Variants in ST3GAL1 observed in about 807,000 individuals in gnomAD.
ST3GAL1 encodes the protein CMP-N-acetylneuraminate-beta-galactosamide-alpha-2,3-sialyltransferase 1.
Under a neutral mutation model 34.1 loss-of-function variants are expected in ST3GAL1, and 16 were observed. That is an observed-to-expected ratio of 0.47 (90% confidence interval 0.32 to 0.71). The LOEUF is 0.71. Among genes scored for constraint, ST3GAL1 ranks in the 30% least tolerant of loss-of-function variants. The pLI is 0.04. For synonymous variants in ST3GAL1, 191 were observed against 184.7 expected (o/e 1.03, Z -0.28); for missense variants, 353 against 447.4 (o/e 0.79, Z 1.90).
chr8:133,461,283 C>A lies in ST3GAL1; in HGVS notation c.849+592G>T, dbSNP rs1333851712. Among the ~76,000 whole-genome samples, 1 of 152,198 alleles carries A rather than the reference C, an allele frequency of 6.6e-6. No individual in the cohort carries two copies. Among genetic ancestry groups the A allele is most frequent in the East Asian group, 1.9e-4 (1 of 5,198 alleles). ...CCCAACATCAGGGAGGAAGTGGGGG[C>A]TGTGTGGCCTGCCCTCCTGCCCCTC... On this transcript the variant is annotated intron_variant, in intron 9 of 9. Transcript: ENST00000522652. This position sits in a 1 kb window ranked among gnomAD's most constrained non-coding sequence, Gnocchi z 4.7.
At chr8:133,513,082 G>T (rs1817539377) in intron 2 of ST3GAL1, among the ~76,000 whole-genome samples, 1 of 152,124 alleles carries the variant, frequency 6.6e-6, no homozygotes, top group African/African-American at 2.4e-5. Context: ...AAGACACAAT[G>T]GGCCCAGTGT....
chr8:133,549,410 A>AG (rs1187392202), intron 1 of ST3GAL1, among the ~76,000 whole-genome samples: 1 of 152,104 alleles, frequency 6.6e-6, no homozygotes, highest in African/African-American at 2.4e-5. Context: ...CTCCAAAAAA[A>AG]AAAAAAGATA....
At chr8:133,557,718 C>T (rs1259495891) in intron 1 of ST3GAL1, among the ~76,000 whole-genome samples, 3 of 152,010 alleles carry the variant, frequency 2.0e-5, no homozygotes, top group African/African-American at 4.8e-5. Context: ...CGTGGTGGCG[C>T]GTGCCTGTAA....
At chr8:133,477,852 AG>A (rs1478746331) in intron 3 of ST3GAL1, among the ~76,000 whole-genome samples, 1 of 150,630 alleles carries the variant, frequency 6.6e-6, no homozygotes, top group Non-Finnish European at 1.5e-5. Context: ...GTCAATAAGC[AG>A]GGTATATTTT....
intron 1 of ST3GAL1, 29 bp from the exon 2 acceptor site, chr8:133,545,955 T>A (rs1204125373): frequency 6.6e-6 from 1 of 152,192 alleles, no homozygotes; most frequent in East Asian, 1.9e-4. Context: ...AAAGTTTAAG[T>A]CAGTTTTGAC....
intron 2 of ST3GAL1, among the ~76,000 whole-genome samples, chr8:133,533,115 T>G (rs925675930): frequency 1.3e-5 from 2 of 152,198 alleles, no homozygotes; most frequent in African/African-American, 4.8e-5. Context: ...TCCCTGGATT[T>G]CCATGGAATG....
At chr8:133,553,171 C>G (rs1019408744) in intron 1 of ST3GAL1, among the ~76,000 whole-genome samples, 18 of 152,290 alleles carry the variant, frequency 1.2e-4, no homozygotes, top group Admixed American at 1.1e-3. Context: ...CCTCCCTGCT[C>G]CACTCTGCTT....
At chr8:133,471,074 A>G (rs988093545) in intron 5 of ST3GAL1, among the ~76,000 whole-genome samples, 4 of 151,804 alleles carry the variant, frequency 2.6e-5, no homozygotes, top group African/African-American at 4.8e-5. Context: ...CCTCCCTTGG[A>G]CCCTGGAAAT....
rs530712498 is a variant in ST3GAL1, at chr8:133,467,443, T to C, written c.307-1353A>G. On this transcript the variant is annotated intron_variant, in intron 5 of 9. Coordinates refer to ENST00000522652, the MANE Select transcript of ST3GAL1 (RefSeq NM_173344.3). The surrounding 1 kb of genome is among the most constrained non-coding windows in gnomAD (Gnocchi z 4.2). Reference sequence around the variant, plus strand: ...CTTGTCCCCATGCCACAGTGCTGTGTCATTTCACTGTGGGTGAGGTAGGAT... The same window carrying C: ...CTTGTCCCCATGCCACAGTGCTGTGCCATTTCACTGTGGGTGAGGTAGGAT... Among the ~76,000 whole-genome samples, 15 of 152,300 alleles carry C rather than the reference T, an allele frequency of 9.8e-5. No individual in the cohort carries two copies. The highest frequency in any genetic ancestry group is 2.1e-4 in the Non-Finnish European group (14 of 68,028).
chr8:133,480,007 C>T (rs1816322176), intron 3 of ST3GAL1, among the ~76,000 whole-genome samples: 1 of 152,180 alleles, frequency 6.6e-6, no homozygotes, highest in South Asian at 2.1e-4. Flanking sequence ...GACATCTGGG[C>T]CAAGACGCCA....
At chr8:133,488,977 C>G (rs986564649) in intron 3 of ST3GAL1, among the ~76,000 whole-genome samples, 5 of 152,144 alleles carry the variant, frequency 3.3e-5, no homozygotes, top group African/African-American at 1.2e-4. Flanking sequence ...TGGGGACAGG[C>G]AGTGACTGCC....
intron 3 of ST3GAL1, among the ~76,000 whole-genome samples, chr8:133,497,258 T>G (rs545356807): frequency 6.6e-6 from 1 of 152,328 alleles, no homozygotes; most frequent in South Asian, 2.1e-4. Context: ...AAGACGGGCC[T>G]GACACAGTGG....
intron 2 of ST3GAL1, among the ~76,000 whole-genome samples, chr8:133,519,723 A>G (rs1156511521): frequency 6.6e-6 from 1 of 152,272 alleles, no homozygotes; most frequent in East Asian, 1.9e-4. Context: ...AGGTGGGTGG[A>G]TCACTTGAAG....
intron 1 of ST3GAL1, among the ~76,000 whole-genome samples, chr8:133,555,076 G>A (rs1818969849): frequency 6.6e-6 from 1 of 152,130 alleles, no homozygotes; most frequent in Admixed American, 6.5e-5. Context: ...CAAGGGAATG[G>A]GAAGGGATTT....
At chr8:133,494,913 CTTTT>C (rs34975583) in intron 3 of ST3GAL1, among the ~76,000 whole-genome samples, 2,859 of 100,662 alleles carry the variant, frequency 0.028, 23 homozygotes, top group African/African-American at 0.061. Context: ...TTCCTCTATT[CTTTT>C]TTTTTTTTTT....
In ST3GAL1 at chr8:133,571,232, G is replaced by T. The variant is rs1037570824; in HGVS notation, c.-582+461C>A. Among the ~76,000 whole-genome samples the T allele has an allele frequency of 5.9e-5, 9 of 152,178 alleles. No homozygotes were observed. Among genetic ancestry groups the T allele is most frequent in the Non-Finnish European group, 8.8e-5 (6 of 68,034 alleles). ...TGTGACCCCAAATCCGCTCGAGAGCGCCTGAGCCCGGCCACCCAGCGAGGT... is the reference window on the plus strand; with the variant it reads ...TGTGACCCCAAATCCGCTCGAGAGCTCCTGAGCCCGGCCACCCAGCGAGGT... On this transcript the variant is annotated intron_variant, in intron 1 of 9. Coordinates refer to ENST00000522652, the MANE Select transcript of ST3GAL1 (RefSeq NM_173344.3). This position sits in a 1 kb window ranked among gnomAD's most constrained non-coding sequence, Gnocchi z 6.7.
At chr8:133,498,811 G>A (rs984948149) in intron 3 of ST3GAL1, among the ~76,000 whole-genome samples, 3 of 152,228 alleles carry the variant, frequency 2.0e-5, no homozygotes, top group South Asian at 4.1e-4. Context: ...CTGAGGCCTC[G>A]GAGCAACCCT....
chr8:133,564,630 A>T (rs1325643072), intron 1 of ST3GAL1, among the ~76,000 whole-genome samples: 3 of 152,102 alleles, frequency 2.0e-5, no homozygotes, highest in Admixed American at 6.5e-5. Context: ...TATTCAAACC[A>T]TATTATTTGA....
chr8:133,528,129 C>T (rs1363557955), intron 2 of ST3GAL1, among the ~76,000 whole-genome samples: 1 of 151,946 alleles, frequency 6.6e-6, no homozygotes, highest in Admixed American at 6.6e-5. Flanking sequence ...AAGCCAAGGT[C>T]ACACCACTGC....
Sources: allele counts gnomAD v4.1 joint callset (sites outside exome capture counted in the v4.1 genomes callset), GRCh38; gene constraint gnomAD v4.1.1; non-coding constraint Gnocchi (gnomAD v3.1); transcripts MANE v1.5; gene names NCBI Gene and HGNC (gene_info 2026-07-23, HGNC 2026-07-21).